The following PARD3 variants were observed in gnomAD, a reference collection of about 807,000 sequenced individuals.
PARD3 encodes the protein par-3 family cell polarity regulator.
A neutral mutation model predicts 155.4 loss-of-function variants in PARD3; 75 were observed. That is an observed-to-expected ratio of 0.48 (90% confidence interval 0.40 to 0.58). PARD3 has a LOEUF of 0.58. Ranked by LOEUF, PARD3 falls within the 20% of genes least tolerant of loss-of-function variation. PARD3 has a pLI of 0.00. For synonymous variants in PARD3, 576 were observed against 610.5 expected (o/e 0.94, Z 0.83); for missense variants, 1,642 against 1,721.7 (o/e 0.95, Z 0.82).
At chr10:34,150,108 C>A (rs985455815) in intron 22 of PARD3, among the ~76,000 whole-genome samples, 4 of 152,166 alleles carry the variant, frequency 2.6e-5, no homozygotes, top group African/African-American at 9.7e-5. Flanking sequence ...TGAATAATTT[C>A]TTCTGATACC....
chr10:34,786,946 T>A (rs1233171102), intron 1 of PARD3, among the ~76,000 whole-genome samples: 1 of 147,666 alleles, frequency 6.8e-6, no homozygotes, highest in African/African-American at 2.6e-5. Flanking sequence ...TCTAAACACA[T>A]GTTATCTAAA....
chr10:34,266,826 C>G (rs985353801), intron 22 of PARD3, among the ~76,000 whole-genome samples: 2 of 152,182 alleles, frequency 1.3e-5, no homozygotes, highest in African/African-American at 4.8e-5. Flanking sequence ...AGTCCAGAAA[C>G]AGAGGCTGTT....
At chr10:34,313,040 T>C (rs1957788263) in intron 20 of PARD3, among the ~76,000 whole-genome samples, 1 of 152,158 alleles carries the variant, frequency 6.6e-6, no homozygotes, top group South Asian at 2.1e-4. Context: ...CTGCTTTCCT[T>C]TAAAAACGAA....
chr10:34,666,796 A>AATAT (rs1204976062), intron 2 of PARD3, among the ~76,000 whole-genome samples: 20 of 66,934 alleles, frequency 3.0e-4, no homozygotes, highest in African/African-American at 6.1e-4. Context: ...AAAAAAAAAA[A>AATAT]ATATATATAT....
intron 4 of PARD3, among the ~76,000 whole-genome samples, chr10:34,462,563 G>A (rs190279672): frequency 8.5e-5 from 13 of 152,202 alleles, no homozygotes; most frequent in Admixed American, 5.9e-4. Context: ...AGTCAAACTG[G>A]TGCAGGCGCA....
chr10:34,410,217 G>C (rs1000930352), intron 5 of PARD3, among the ~76,000 whole-genome samples: 1 of 152,044 alleles, frequency 6.6e-6, no homozygotes, highest in African/African-American at 2.4e-5. Flanking sequence ...AGTGATTAAA[G>C]AACACCAGGC....
In PARD3 at chr10:34,109,940, T is replaced by C. The variant is rs1946323650; in HGVS notation, c.*1229A>G. On this transcript the variant is annotated 3_prime_UTR_variant, in exon 25 of 25. Transcript: ENST00000374788. ...CACAGGCACTTTAGCACCCCAGCCA[T>C]GGTTTACAATACAGGATGTTCAGAA... The C allele has an allele frequency of 1.3e-5, 2 of 151,936 alleles. No individual in the cohort carries two copies. Among genetic ancestry groups the C allele is most frequent in the East Asian group, 3.9e-4 (2 of 5,178 alleles). The allele number at this position is 151,936 out of a possible 1,614,324, so 9.4% of individuals were successfully genotyped here. A position where few individuals can be genotyped will look rare whatever the true frequency, so the allele number is the denominator to read the frequency against.
chr10:34,270,218 C>CT (rs1439185576), intron 21 of PARD3, among the ~76,000 whole-genome samples: 10 of 150,362 alleles, frequency 6.7e-5, no homozygotes, highest in Non-Finnish European at 1.5e-4. Flanking sequence ...TCTTGGCTCA[C>CT]TGCAACCTCC....
chr10:34,242,042 T>G (rs112924126), intron 22 of PARD3, among the ~76,000 whole-genome samples: 9 of 152,318 alleles, frequency 5.9e-5, no homozygotes, highest in African/African-American at 2.2e-4. Flanking sequence ...CCAGGTATAC[T>G]TATGATAACC....
In PARD3 at chr10:34,382,847, C is replaced by A. The variant is rs760312383; in HGVS notation, c.1092G>T (p.Glu364Asp). Residue 364 changes from glutamate to aspartate, a missense_variant, in exon 9 of 25, where the codon GAG becomes GAT. By Grantham distance (45) the Glu-to-Asp change is conservative (BLOSUM62 2). This residue lies in a region of PARD3 where 1,529 missense variants were observed against 1,587.3 expected (regional missense o/e 0.96). Coordinates refer to ENST00000374788, the MANE Select transcript of PARD3 (RefSeq NM_001184785.2). Reference sequence around the variant, plus strand: ...CACTTTGGGATAGTTGTTCATACTGCTCTTTATTTGCTGCAGGAACCACAT... The same window carrying A: ...CACTTTGGGATAGTTGTTCATACTGATCTTTATTTGCTGCAGGAACCACAT... ...WFHVVPAANK[E>D]QYEQLSQSEK... 1.1e-5 allele frequency: 18 copies of A among 1,614,022 alleles called. No individual in the cohort carries two copies. Among genetic ancestry groups the A allele is most frequent in the Non-Finnish European group, 1.7e-6 (2 of 1,180,030 alleles).
At position 34,305,827 on chromosome 10, in the gene PARD3, A is replaced by AT. The variant is rs1957379485; in HGVS notation, c.3065+11279dup. On this transcript the variant is annotated intron_variant, in intron 20 of 24. Transcript: ENST00000374788. ...ACCGTGTCTTTACAAAAAGTAAAAA[A>AT]TTTAAAAAAATAGCTGGGCATGGTG... 2.6e-5 allele frequency among the ~76,000 whole-genome samples: 4 copies of AT among 152,194 alleles called. No homozygotes were observed. The South Asian group carries it at 8.3e-4, about 32-fold the overall frequency.
chr10:34,294,116 G>A (rs1266174011), intron 20 of PARD3, among the ~76,000 whole-genome samples: 2 of 152,164 alleles, frequency 1.3e-5, no homozygotes, highest in African/African-American at 4.8e-5. Context: ...CAGTAACAAA[G>A]ATAATAATTC....
In PARD3 at chr10:34,625,650, C is replaced by T. The variant is rs188384810; in HGVS notation, c.222+70668G>A. On this transcript the variant is annotated intron_variant, in intron 2 of 24. Transcript: ENST00000374788. ...CTTCAAGGCCAGGCGCGGTGGCTCA[C>T]GCCTGTAATCCCAGCACTTTGGGAG... Among the ~76,000 whole-genome samples, 951 of 152,268 alleles carry T rather than the reference C, an allele frequency of 6.2e-3. 7 individuals carry two copies. The highest frequency in any genetic ancestry group is 0.021 in the African/African-American group (876 of 41,546).
At chr10:34,436,222 A>G (rs999199122) in intron 5 of PARD3, among the ~76,000 whole-genome samples, 1 of 152,004 alleles carries the variant, frequency 6.6e-6, no homozygotes, top group African/African-American at 2.4e-5. Flanking sequence ...GAAGAACCCA[A>G]CTCTCACCCC....
intron 22 of PARD3, among the ~76,000 whole-genome samples, chr10:34,221,729 T>C (rs570728419): frequency 1.3e-5 from 2 of 152,216 alleles, no homozygotes; most frequent in Non-Finnish European, 2.9e-5. Flanking sequence ...GTACCCTTCC[T>C]TTTAGTCCTT....
intron 2 of PARD3, among the ~76,000 whole-genome samples, chr10:34,625,010 C>T (rs770367324): frequency 2.0e-5 from 3 of 152,184 alleles, no homozygotes; most frequent in Non-Finnish European, 4.4e-5. Flanking sequence ...TGACCTCTCA[C>T]GGAGCCCTCA....
At chr10:34,694,152 A>G (rs2094120308) in intron 2 of PARD3, among the ~76,000 whole-genome samples, 1 of 133,500 alleles carries the variant, frequency 7.5e-6, no homozygotes, top group Admixed American at 7.6e-5. Flanking sequence ...AGAGAGGGAG[A>G]AGAAAAAAAA....
At chr10:34,353,756 AAAAT>A (rs1480080109) in intron 14 of PARD3, among the ~76,000 whole-genome samples, 3 of 151,460 alleles carry the variant, frequency 2.0e-5, no homozygotes, top group African/African-American at 4.8e-5. Flanking sequence ...AATAAAATAA[AAAAT>A]AAAAGTCTTC....
intron 22 of PARD3, among the ~76,000 whole-genome samples, chr10:34,197,053 T>C (rs566671410): frequency 1.3e-5 from 2 of 152,272 alleles, no homozygotes; most frequent in East Asian, 3.9e-4. Flanking sequence ...TGCCTTCCCA[T>C]CTGCACCCAC....
Sources: allele counts gnomAD v4.1 joint callset (sites outside exome capture counted in the v4.1 genomes callset), GRCh38; gene constraint gnomAD v4.1.1; regional missense constraint gnomAD v4.1.1; transcripts MANE v1.5; gene names NCBI Gene and HGNC (gene_info 2026-07-23, HGNC 2026-07-21).